SLC22A23: variants seen among roughly 807,000 people sequenced by gnomAD.
SLC22A23 encodes the protein ion transporter protein.
A neutral mutation model predicts 61.0 loss-of-function variants in SLC22A23; 26 were observed. The ratio of observed to expected loss-of-function variants is 0.43; its 90% CI spans 0.31 to 0.59. The LOEUF is 0.59. SLC22A23 is among the 20% of genes least tolerant of loss of function. The pLI, the probability that SLC22A23 is intolerant of heterozygous loss-of-function variation, is 0.11. For synonymous variants in SLC22A23, 430 were observed against 413.9 expected, an observed-to-expected ratio of 1.04 and a Z score of -0.47; for missense variants, 796 against 934.7, an observed-to-expected ratio of 0.85 and a Z score of 1.94.
chr6:3,276,314 G>A lies in SLC22A23; in HGVS notation c.1704-2902C>T, dbSNP rs555544565. Among the ~76,000 whole-genome samples the A allele has an allele frequency of 2.0e-5, 3 of 152,286 alleles. No individual in the cohort carries two copies. The East Asian group carries it at 5.8e-4, about 29-fold the overall frequency. On this transcript the variant is annotated intron_variant, in intron 9 of 9. Coordinates refer to ENST00000406686, the MANE Select transcript of SLC22A23 (RefSeq NM_015482.2). Reference sequence around the variant, plus strand: ...CAGCCCTAGGGGACAAAGACTCGCTGGATTCTTCCCTTTCCCAGCTCCTTC... The same window carrying A: ...CAGCCCTAGGGGACAAAGACTCGCTAGATTCTTCCCTTTCCCAGCTCCTTC...
At position 3,322,225 on chromosome 6, in the gene SLC22A23, G is replaced by T. The variant is rs1294818703; in HGVS notation, c.1082+1609C>A. The stretch of plus-strand genomic sequence containing the variant: ...TATGAGGGTGGAACCATTTACTATT[G>T]CAAAGTGCTTGTCGTCTGTGCCTGG... On this transcript the variant is annotated intron_variant, in intron 4 of 9. Coordinates refer to ENST00000406686, the MANE Select transcript of SLC22A23 (RefSeq NM_015482.2). The surrounding 1 kb of genome is among the most constrained non-coding windows in gnomAD (Gnocchi z 4.1). Among the ~76,000 whole-genome samples, 1 of 152,150 alleles carries T rather than the reference G, an allele frequency of 6.6e-6. No individual in the cohort carries two copies. Among genetic ancestry groups the T allele is most frequent in the African/African-American group, 2.4e-5 (1 of 41,424 alleles).
chr6:3,389,020 C>G (rs1426747407), intron 3 of SLC22A23, among the ~76,000 whole-genome samples: 1 of 151,988 alleles, frequency 6.6e-6, no homozygotes, highest in East Asian at 1.9e-4. Flanking sequence ...GTAATCCCAG[C>G]ACTTTGGGAG....
At chr6:3,395,221 A>G (rs1446049170) in intron 3 of SLC22A23, among the ~76,000 whole-genome samples, 2 of 152,216 alleles carry the variant, frequency 1.3e-5, no homozygotes, top group South Asian at 2.1e-4. Flanking sequence ...GTGAACCTAT[A>G]ATAAGATTTT....
At position 3,309,512 on chromosome 6, in the gene SLC22A23, C is replaced by T. The variant is rs1316982511; in HGVS notation, c.1083-11294G>A. Among the ~76,000 whole-genome samples the T allele has an allele frequency of 1.3e-5, 2 of 152,088 alleles. No homozygotes were observed. The highest frequency in any genetic ancestry group is 2.1e-4 in the South Asian group (1 of 4,820). On this transcript the variant is annotated intron_variant, in intron 4 of 9. Transcript: ENST00000406686. The surrounding 1 kb of genome is among the most constrained non-coding windows in gnomAD (Gnocchi z 4.7). ...GCCTCAGAGCAGGGTGGCACCTGAC[C>T]GTAATAAGGACTGTGGGCTGACAAG... is the stretch of plus-strand genomic sequence containing the variant.
At chr6:3,419,462 C>T (rs938193486) in intron 1 of SLC22A23, among the ~76,000 whole-genome samples, 4 of 152,172 alleles carry the variant, frequency 2.6e-5, no homozygotes, top group Non-Finnish European at 5.9e-5. Context: ...GGTGCACACC[C>T]CAAAATAACT....
At position 3,456,118 on chromosome 6, in the gene SLC22A23, C is replaced by A. The variant is rs756677336; in HGVS notation, c.442G>T (p.Asp148Tyr). The A allele has an allele frequency of 1.9e-6, 3 of 1,550,752 alleles. No homozygotes were observed. Among genetic ancestry groups the A allele is most frequent in the Non-Finnish European group, 8.7e-7 (1 of 1,146,766 alleles). The part of the protein sequence containing the change: ...AGVTTTGRGG[D>Y]MGNWTSLPTT... Reference sequence around the variant, plus strand: ...GGGAGGCTGGTCCAGTTGCCCATGTCCCCGCCCCGGCCTGTGGTGGTGACC... The same window carrying A: ...GGGAGGCTGGTCCAGTTGCCCATGTACCCGCCCCGGCCTGTGGTGGTGACC... Residue 148 changes from aspartate (D) to tyrosine (Y), a missense_variant, in exon 1 of 10, where the codon GAC (aspartate) becomes TAC (tyrosine). Asp to Tyr is a radical substitution (Grantham distance 160). Transcript: ENST00000406686. This position sits in a 1 kb window ranked among gnomAD's most constrained non-coding sequence, Gnocchi z 7.1.
At chr6:3,400,830 A>T (rs1432326636) in intron 3 of SLC22A23, among the ~76,000 whole-genome samples, 2 of 152,260 alleles carry the variant, frequency 1.3e-5, no homozygotes, top group Non-Finnish European at 2.9e-5. Flanking sequence ...ACAAAACTGC[A>T]TCTCTAACTC....
chr6:3,450,092 T>C (rs1772094193), intron 1 of SLC22A23, among the ~76,000 whole-genome samples: 1 of 152,184 alleles, frequency 6.6e-6, no homozygotes, highest in Non-Finnish European at 1.5e-5. Flanking sequence ...TGGAAGGGGA[T>C]GTGAGAAACT....
At chr6:3,368,526 G>A (rs1400016674) in intron 3 of SLC22A23, among the ~76,000 whole-genome samples, 3 of 152,236 alleles carry the variant, frequency 2.0e-5, no homozygotes, top group Non-Finnish European at 2.9e-5. Flanking sequence ...TGCCTTAGAA[G>A]GGGCTTTCGC....
rs879383489 is a variant in SLC22A23 at position 3,427,731 on chromosome 6, G to GA, written c.655-11877dup. 2.3e-3 allele frequency among the ~76,000 whole-genome samples: 343 copies of GA among 147,478 alleles called. 1 individual carries two copies. Among genetic ancestry groups the GA allele is most frequent in the African/African-American group, 8.2e-3 (329 of 40,304 alleles). ...AAATATACTATTTTTCTGACCAAAA[G>GA]AAAAAAAAAAGTAGGATGGTTCTCA... is the stretch of plus-strand genomic sequence containing the variant. On this transcript the variant is annotated intron_variant, in intron 1 of 9. Transcript: ENST00000406686. The surrounding 1 kb of genome is among the most constrained non-coding windows in gnomAD (Gnocchi z 4.3).
rs1477207742 is a variant in SLC22A23, at chr6:3,271,100, GT to G, written c.*1954del. 6.6e-6 allele frequency: 1 copy of G among 152,380 alleles called. No individual in the cohort carries two copies. Among genetic ancestry groups the G allele is most frequent in the Admixed American group, 6.5e-5 (1 of 15,288 alleles). The allele number at this position is 152,380 out of a possible 1,614,324, so 9.4% of individuals were successfully genotyped here. ...TTGTTGACAGGTGGCTTTATAGCAAGTACTCCAAAAAAGGTAAAAGGAATTT... is the reference window on the plus strand; with the variant it reads ...TTGTTGACAGGTGGCTTTATAGCAAGACTCCAAAAAAGGTAAAAGGAATTT... On this transcript the variant is annotated 3_prime_UTR_variant, in exon 10 of 10. Transcript: ENST00000406686.
At chr6:3,283,754 AG>A in intron 9 of SLC22A23, 97 bp downstream of exon 9, 1 of 1,572,584 alleles carries the variant, frequency 6.4e-7, no homozygotes, top group Non-Finnish European at 8.6e-7. Flanking sequence ...AGCCAGAGAC[AG>A]AGCTGACGCT....
chr6:3,307,495 C>A (rs1228834967), intron 4 of SLC22A23, among the ~76,000 whole-genome samples: 2 of 152,244 alleles, frequency 1.3e-5, no homozygotes, highest in Non-Finnish European at 2.9e-5. Context: ...AACTGGGATA[C>A]CAGTGCCTTT....
chr6:3,299,604 T>A (rs1222011374), intron 4 of SLC22A23, among the ~76,000 whole-genome samples: 1 of 152,224 alleles, frequency 6.6e-6, no homozygotes, highest in African/African-American at 2.4e-5. Flanking sequence ...TATGACAATA[T>A]TTACAAGCTG....
In SLC22A23 at chr6:3,456,621, C is replaced by T. The variant is rs1772422976; in HGVS notation, c.-62G>A. 5 of 955,928 alleles carry T rather than the reference C, an allele frequency of 5.2e-6. No individual in the cohort carries two copies. Among genetic ancestry groups the T allele is most frequent in the African/African-American group, 1.8e-5 (1 of 56,192 alleles). The allele number at this position is 955,928 out of a possible 1,614,324, so 59.2% of individuals were successfully genotyped here. A position where few individuals can be genotyped will look rare whatever the true frequency, so the allele number is the denominator to read the frequency against. On this transcript the variant is annotated 5_prime_UTR_variant, in exon 1 of 10. Coordinates refer to ENST00000406686, the MANE Select transcript of SLC22A23 (RefSeq NM_015482.2). The surrounding 1 kb of genome is among the most constrained non-coding windows in gnomAD (Gnocchi z 7.1). ...CGCGGCGGAGGCTCCGCGGGCGCCC[C>T]GGGCACAGCGCGCCGGGCCAGGCGC... is the stretch of plus-strand genomic sequence containing the variant.
In SLC22A23 at chr6:3,372,748, A is replaced by G. The variant is rs1766307746; in HGVS notation, c.913+37440T>C. ...CTCAGGGTGCGCAAGTCCTAGGACA[A>G]TCTAGGCCAACATTCTCTTCCAAAT... is the stretch of plus-strand genomic sequence containing the variant. On this transcript the variant is annotated intron_variant, in intron 3 of 9. Transcript: ENST00000406686. This position sits in a 1 kb window ranked among gnomAD's most constrained non-coding sequence, Gnocchi z 4.7. 6.6e-6 allele frequency among the ~76,000 whole-genome samples: 1 copy of G among 152,230 alleles called. No homozygotes were observed. The highest frequency in any genetic ancestry group is 2.1e-4 in the South Asian group (1 of 4,828).
At chr6:3,321,415 T>G (rs1762945514) in intron 4 of SLC22A23, among the ~76,000 whole-genome samples, 1 of 152,166 alleles carries the variant, frequency 6.6e-6, no homozygotes, top group African/African-American at 2.4e-5. Context: ...TGCACACACA[T>G]GCACACACGT....
chr6:3,442,218 A>G (rs1176939452), intron 1 of SLC22A23, among the ~76,000 whole-genome samples: 1 of 152,154 alleles, frequency 6.6e-6, no homozygotes, highest in Admixed American at 6.5e-5. Flanking sequence ...ACCCGGAGTA[A>G]GCAAATTCAA....
intron 4 of SLC22A23, 150 bp downstream of exon 4, chr6:3,323,684 A>G: frequency 1.1e-6 from 1 of 916,514 alleles, no homozygotes; most frequent in Non-Finnish European, 1.6e-6. Flanking sequence ...AAACAATAAA[A>G]TTTTTTAAAA....
Sources: gnomAD v4.1 joint callset for allele counts (sites outside exome capture counted in the v4.1 genomes callset) on GRCh38, gnomAD v4.1.1 for gene constraint, Gnocchi (gnomAD v3.1) non-coding constraint, MANE v1.5 for transcripts, NCBI Gene and HGNC (gene_info 2026-07-23, HGNC 2026-07-21) for gene names.